The following ANKS1B variants were observed in gnomAD, a reference collection of about 807,000 sequenced individuals.
ANKS1B encodes ankyrin repeat and sterile alpha motif domain containing 1B, also known as ankyrin repeat and sterile alpha motif domain-containing protein 1B.
ANKS1B carries 36 observed loss-of-function variants against 148.3 expected under a neutral mutation model. The ratio of observed to expected loss-of-function variants is 0.24; its 90% CI spans 0.19 to 0.32. The LOEUF is 0.32. Ranked by LOEUF, ANKS1B falls within the 10% of genes least tolerant of loss-of-function variation. ANKS1B has a pLI of 1.00. For missense variants in ANKS1B, 1,157 were observed against 1,542.6 expected, an observed-to-expected ratio of 0.75 and a Z score of 4.19; for synonymous variants, 542 against 560.8, an observed-to-expected ratio of 0.97 and a Z score of 0.47.
At chr12:99,772,251 T>C (rs887102289) in intron 8 of ANKS1B, among the ~76,000 whole-genome samples, 2 of 152,150 alleles carry the variant, frequency 1.3e-5, no homozygotes, top group African/African-American at 4.8e-5. Context: ...CTCCCCTCTT[T>C]CTTCTTTGTA....
intron 17 of ANKS1B, among the ~76,000 whole-genome samples, chr12:98,940,412 T>C (rs945934018): frequency 2.0e-5 from 3 of 152,174 alleles, no homozygotes; most frequent in African/African-American, 4.8e-5. Flanking sequence ...AACTCCTTTC[T>C]TCTATCTCTA....
intron 17 of ANKS1B, among the ~76,000 whole-genome samples, chr12:98,894,414 A>G (rs1018847866): frequency 1.3e-5 from 2 of 152,018 alleles, no homozygotes; most frequent in Non-Finnish European, 2.9e-5. Flanking sequence ...ATCGATAACC[A>G]GAACAGGTTT....
At chr12:99,240,130 A>G (rs2088965967) in intron 14 of ANKS1B, among the ~76,000 whole-genome samples, 1 of 152,226 alleles carries the variant, frequency 6.6e-6, no homozygotes, top group African/African-American at 2.4e-5. Flanking sequence ...AATTGGATAA[A>G]GAGCCAAGAC....
Position 99,844,539 on chromosome 12 carries a change from T to C in ANKS1B, c.135-19150A>G, listed in dbSNP as rs116349620. On this transcript the variant is annotated intron_variant, in intron 1 of 26. Coordinates refer to ENST00000683438, the MANE Select transcript of ANKS1B (RefSeq NM_001352186.2). ...TTTGTCAAGTCTGTCAAAGACCAGA[T>C]GGTTGTAGGTGTATGATGTTATTTC... Among the ~76,000 whole-genome samples, 1,195 of 152,214 alleles carry C rather than the reference T, an allele frequency of 7.9e-3. 14 individuals carry two copies. Among genetic ancestry groups the C allele is most frequent in the African/African-American group, 0.027 (1,129 of 41,532 alleles).
chr12:99,862,928 A>T (rs2153720274), intron 1 of ANKS1B, among the ~76,000 whole-genome samples: 1 of 152,214 alleles, frequency 6.6e-6, no homozygotes, highest in East Asian at 1.9e-4. Flanking sequence ...AATTCTTAAC[A>T]AATGTCCCCA....
chr12:98,859,246 A>G (rs186367082), intron 17 of ANKS1B, among the ~76,000 whole-genome samples: 22 of 152,338 alleles, frequency 1.4e-4, no homozygotes, highest in African/African-American at 5.3e-4. Context: ...GAGCATTCAC[A>G]TATGTGATGG....
intron 8 of ANKS1B, among the ~76,000 whole-genome samples, chr12:99,735,378 A>C (rs1212484734): frequency 6.6e-6 from 1 of 152,182 alleles, no homozygotes; most frequent in Non-Finnish European, 1.5e-5. Context: ...TAGACTAACC[A>C]AGAAAAAAAG....
intron 15 of ANKS1B, among the ~76,000 whole-genome samples, chr12:99,134,662 C>T (rs1163940231): frequency 9.5e-5 from 11 of 115,422 alleles, no homozygotes; most frequent in African/African-American, 3.0e-4. Flanking sequence ...CACACACACA[C>T]ACACACACAC....
chr12:99,545,497 C>T (rs1211744266), intron 9 of ANKS1B, among the ~76,000 whole-genome samples: 1 of 151,988 alleles, frequency 6.6e-6, no homozygotes, highest in Non-Finnish European at 1.5e-5. Flanking sequence ...GGTCACAGCA[C>T]TATTGGGAGG....
chr12:99,579,501 C>A (rs2097549952), intron 9 of ANKS1B, among the ~76,000 whole-genome samples: 1 of 151,800 alleles, frequency 6.6e-6, no homozygotes, highest in African/African-American at 2.4e-5. Flanking sequence ...ACAAAATCAA[C>A]AACAAAAACA....
At chr12:99,481,444 G>A (rs897780344) in intron 10 of ANKS1B, among the ~76,000 whole-genome samples, 1 of 151,804 alleles carries the variant, frequency 6.6e-6, no homozygotes, top group African/African-American at 2.4e-5. Context: ...CTCATTAGTT[G>A]ATGTGCACTT....
At chr12:99,888,703 CT>C (rs2153745684) in intron 1 of ANKS1B, among the ~76,000 whole-genome samples, 1 of 152,242 alleles carries the variant, frequency 6.6e-6, no homozygotes, top group South Asian at 2.1e-4. Context: ...CCCCTGATCA[CT>C]TTTTGCAGGG....
chr12:99,190,315 T>G (rs2080484133), intron 14 of ANKS1B, among the ~76,000 whole-genome samples: 1 of 152,216 alleles, frequency 6.6e-6, no homozygotes, highest in Non-Finnish European at 1.5e-5. Context: ...ATCATTGACT[T>G]TCTTCACAGA....
chr12:99,951,389 T>G (rs530425758), intron 1 of ANKS1B, among the ~76,000 whole-genome samples: 99 of 152,332 alleles, frequency 6.5e-4, no homozygotes, highest in African/African-American at 2.1e-3. Context: ...AACCTGTAGC[T>G]ATAATAAGGC....
At chr12:99,388,839 T>C (rs1269010515) in intron 12 of ANKS1B, among the ~76,000 whole-genome samples, 1 of 152,230 alleles carries the variant, frequency 6.6e-6, no homozygotes, top group African/African-American at 2.4e-5. Flanking sequence ...CTGCATCAAG[T>C]TGCTAACTTC....
intron 9 of ANKS1B, among the ~76,000 whole-genome samples, chr12:99,583,498 T>C (rs1364859774): frequency 2.0e-5 from 3 of 152,200 alleles, no homozygotes; most frequent in Non-Finnish European, 4.4e-5. Context: ...TTTCTTTATA[T>C]TTCCAACAAA....
At chr12:99,326,561 A>G (rs118154944) in intron 12 of ANKS1B, among the ~76,000 whole-genome samples, 4 of 152,232 alleles carry the variant, frequency 2.6e-5, no homozygotes, top group Non-Finnish European at 4.4e-5. Context: ...TTCAGTTAAT[A>G]ATGTAAAAGA....
intron 17 of ANKS1B, among the ~76,000 whole-genome samples, chr12:98,993,484 T>G (rs542339204): frequency 6.6e-6 from 1 of 152,302 alleles, no homozygotes; most frequent in African/African-American, 2.4e-5. Context: ...TTGGTTCTTT[T>G]GAAATGTTCC....
intron 10 of ANKS1B, among the ~76,000 whole-genome samples, chr12:99,485,342 C>T (rs1286782517): frequency 7.2e-5 from 11 of 152,060 alleles, no homozygotes; most frequent in Non-Finnish European, 1.5e-5. Flanking sequence ...TAGGACCCCA[C>T]ACCTCTCTGG....
Sources: gnomAD v4.1 joint callset for allele counts (sites outside exome capture counted in the v4.1 genomes callset) on GRCh38, gnomAD v4.1.1 for gene constraint, MANE v1.5 for transcripts, NCBI Gene and HGNC (gene_info 2026-07-23, HGNC 2026-07-21) for gene names.